The following NSD1 variants were observed in gnomAD, a reference collection of about 807,000 sequenced individuals.
NSD1 encodes the protein nuclear receptor binding SET domain protein 1.
A neutral mutation model predicts 242.7 loss-of-function variants in NSD1; 26 were observed. The observed-to-expected ratio is 0.11, with a 90% CI of 0.08 to 0.15. The LOEUF (loss-of-function observed/expected upper bound fraction) is 0.15, where lower values mean the gene tolerates loss of function less well. Among genes scored for constraint, NSD1 ranks in the 10% least tolerant of loss-of-function variants. NSD1 has a pLI of 1.00. For missense variants in NSD1, 2,495 were observed against 3,272.8 expected, an observed-to-expected ratio of 0.76 and a Z score of 5.80; for synonymous variants, 1,106 against 1,178.1, an observed-to-expected ratio of 0.94 and a Z score of 1.25.
chr5:177,166,295 C>A (rs1213176281), intron 2 of NSD1, among the ~76,000 whole-genome samples: 1 of 151,918 alleles, frequency 6.6e-6, no homozygotes, highest in Non-Finnish European at 1.5e-5. Context: ...TGCCTATAAT[C>A]CTAGCACTTT....
intron 5 of NSD1, among the ~76,000 whole-genome samples, chr5:177,220,620 A>G (rs1764161576): frequency 1.7e-5 from 2 of 120,786 alleles, no homozygotes; most frequent in Non-Finnish European, 3.1e-5. Context: ...CCTAGGCTGG[A>G]GTGCAGTGGC....
intron 5 of NSD1, among the ~76,000 whole-genome samples, chr5:177,234,130 A>G (rs1035142820): frequency 8.5e-5 from 13 of 152,220 alleles, no homozygotes; most frequent in Admixed American, 7.2e-4. Context: ...AGTGAGAAAA[A>G]TGTGTAACAT....
intron 14 of NSD1, chr5:177,266,032 A>T: frequency 9.5e-7 from 1 of 1,055,314 alleles, no homozygotes; most frequent in Non-Finnish European, 1.5e-6. Flanking sequence ...TATCGAAGCC[A>T]TAAACGTTCT....
chr5:177,187,322 C>G (rs1011054544), intron 2 of NSD1, among the ~76,000 whole-genome samples: 2 of 152,020 alleles, frequency 1.3e-5, no homozygotes, highest in Non-Finnish European at 2.9e-5. Flanking sequence ...CCAGGCTGGT[C>G]TTGAACTCCT....
chr5:177,262,890 A>G (rs1757104486), intron 14 of NSD1, among the ~76,000 whole-genome samples: 1 of 152,238 alleles, frequency 6.6e-6, no homozygotes, highest in South Asian at 2.1e-4. Flanking sequence ...TCTGAGACAA[A>G]TGCGTACCTC....
In NSD1 at chr5:177,227,141, A is replaced by G. The variant is rs116395505; in HGVS notation, c.3797-8680A>G. Among the ~76,000 whole-genome samples, 294 of 152,354 alleles carry G rather than the reference A, an allele frequency of 1.9e-3. 1 individual carries two copies. Among genetic ancestry groups the G allele is most frequent in the African/African-American group, 6.8e-3 (283 of 41,586 alleles). On this transcript the variant is annotated intron_variant, in intron 5 of 22. Coordinates refer to ENST00000439151, the MANE Select transcript of NSD1 (RefSeq NM_022455.5). ...ATAACATGGAAAGATGGGGATACAGATAAAAATAGATTGGCCATGAATTTG... is the reference window on the plus strand; with the variant it reads ...ATAACATGGAAAGATGGGGATACAGGTAAAAATAGATTGGCCATGAATTTG...
intron 11 of NSD1, among the ~76,000 whole-genome samples, chr5:177,249,567 C>T (rs1320158962): frequency 1.3e-5 from 2 of 152,036 alleles, no homozygotes; most frequent in Non-Finnish European, 2.9e-5. Context: ...CCTGGGTTCA[C>T]GCCATTCTCC....
intron 2 of NSD1, among the ~76,000 whole-genome samples, chr5:177,151,719 T>TC (rs1462643673): frequency 2.0e-5 from 3 of 150,542 alleles, no homozygotes; most frequent in Non-Finnish European, 4.4e-5. Flanking sequence ...TGAGACAGGG[T>TC]CTCACTCTGT....
At chr5:177,154,947 C>T (rs893497626) in intron 2 of NSD1, among the ~76,000 whole-genome samples, 3 of 151,804 alleles carry the variant, frequency 2.0e-5, no homozygotes, top group Admixed American at 1.3e-4. Flanking sequence ...CCACCTACCT[C>T]AGCCTCCCAA....
rs1184550830 is a variant in NSD1, at chr5:177,294,953, G to C, written c.7585G>C (p.Ala2529Pro). 3 of 1,614,106 alleles carry C rather than the reference G, an allele frequency of 1.9e-6. No homozygotes were observed. The African/African-American group carries it at 4.0e-5, about 22-fold the overall frequency. ...AGCCCCTTCAGAGGACCCCTGGCAAGCTGTTAAATCACTCACCCAGGCCAG... is the reference window on the plus strand; with the variant it reads ...AGCCCCTTCAGAGGACCCCTGGCAACCTGTTAAATCACTCACCCAGGCCAG... ...AAAPSEDPWQAVKSLTQARLL... is the reference protein window; with the variant it reads ...AAAPSEDPWQPVKSLTQARLL... Residue 2529 changes from alanine to proline, a missense_variant, in exon 23 of 23, where the codon GCT becomes CCT. By Grantham distance (27) the Ala-to-Pro change is conservative (BLOSUM62 -1). Around this residue, in one of 19 missense-constraint regions of NSD1, gnomAD observed 475 missense variants for 563.7 expected, o/e 0.84. Coordinates refer to ENST00000439151, the MANE Select transcript of NSD1 (RefSeq NM_022455.5).
At chr5:177,227,040 A>G (rs1453275839) in intron 5 of NSD1, among the ~76,000 whole-genome samples, 1 of 152,192 alleles carries the variant, frequency 6.6e-6, no homozygotes, top group Non-Finnish European at 1.5e-5. Context: ...GTATTCTGTT[A>G]TGTTAAAATA....
intron 2 of NSD1, among the ~76,000 whole-genome samples, chr5:177,179,478 G>A (rs925442535): frequency 2.0e-5 from 3 of 152,220 alleles, no homozygotes; most frequent in Admixed American, 6.5e-5. Context: ...GCCTCCCAAA[G>A]TGCTGGGATT....
At chr5:177,154,452 A>C (rs1006174362) in intron 2 of NSD1, among the ~76,000 whole-genome samples, 1 of 152,216 alleles carries the variant, frequency 6.6e-6, no homozygotes, top group African/African-American at 2.4e-5. Flanking sequence ...AAGCTGACCC[A>C]ATCATTTTTC....
Position 177,273,662 on chromosome 5 carries a change from G to A in NSD1, c.5510-10G>A, listed in dbSNP as rs767198805. 35 of 1,598,178 alleles carry A rather than the reference G, an allele frequency of 2.2e-5. No individual in the cohort carries two copies. In the East Asian group the frequency reaches 2.2e-4, roughly 10 times the overall value. ...GATTTTGAAGTGACTTGTGCTGTCT[G>A]TTTTCATAGCTCTTCAGGAAGCTGC... On this transcript the variant is annotated splice_polypyrimidine_tract_variant and intron_variant, in intron 16 of 22. Coordinates refer to ENST00000439151, the MANE Select transcript of NSD1 (RefSeq NM_022455.5).
chr5:177,245,839 A>G (rs1433780453), intron 9 of NSD1, among the ~76,000 whole-genome samples: 2 of 151,888 alleles, frequency 1.3e-5, no homozygotes, highest in Non-Finnish European at 2.9e-5. Context: ...GGGTTTCACC[A>G]TGTTGGCCAG....
In NSD1 at chr5:177,269,173, A is replaced by G. The variant is rs540873254; in HGVS notation, c.5304-429A>G. 1.3e-5 allele frequency among the ~76,000 whole-genome samples: 2 copies of G among 152,136 alleles called. No individual in the cohort carries two copies. The highest frequency in any genetic ancestry group is 4.2e-4 in the South Asian group (2 of 4,818). On this transcript the variant is annotated intron_variant, in intron 15 of 22. Transcript: ENST00000439151. This position sits in a 1 kb window ranked among gnomAD's most constrained non-coding sequence, Gnocchi z 5.1. ...GGTGCTGTTCTCCCATATTCCTACT[A>G]ATTATTGAAGGTTTCCTTTTTAAAG...
intron 14 of NSD1, chr5:177,266,173 A>T: frequency 9.4e-7 from 1 of 1,065,578 alleles, no homozygotes; most frequent in South Asian, 1.2e-5. Flanking sequence ...AGTGTTGAGC[A>T]TGGACTCGTA....
intron 14 of NSD1, among the ~76,000 whole-genome samples, chr5:177,261,236 A>ATTTTTTTTT (rs10652091): frequency 9.4e-5 from 7 of 74,752 alleles, no homozygotes; most frequent in East Asian, 3.3e-4. Context: ...TGCCCCACTA[A>ATTTTTTTTT]TTTTTTTTTT....
chr5:177,211,730 G>A lies in NSD1; in HGVS notation c.3331G>A (p.Asp1111Asn), dbSNP rs151165525. ...DGDHFSDVHF[D>N]SKVKQSDPGK... ...TGACCATTTTTCTGATGTGCATTTCGATAGCAAGGTTAAGCAATCTGATCC... is the reference window on the plus strand; with the variant it reads ...TGACCATTTTTCTGATGTGCATTTCAATAGCAAGGTTAAGCAATCTGATCC... Residue 1111 changes from aspartate (D) to asparagine (N), a missense_variant, in exon 5 of 23, where the codon GAT becomes AAT. Asp to Asn is a conservative substitution (Grantham distance 23). Around this residue, in one of 19 missense-constraint regions of NSD1, gnomAD observed 426 missense variants for 411.4 expected, o/e 1.04. Coordinates refer to ENST00000439151, the MANE Select transcript of NSD1 (RefSeq NM_022455.5). The A allele has an allele frequency of 2.0e-5, 33 of 1,613,914 alleles. No individual in the cohort carries two copies. The highest frequency in any genetic ancestry group is 5.3e-5 in the African/African-American group (4 of 74,862).
Sources: gnomAD v4.1 joint callset for allele counts (sites outside exome capture counted in the v4.1 genomes callset) on GRCh38, gnomAD v4.1.1 for gene constraint, gnomAD v4.1.1 regional missense constraint, Gnocchi (gnomAD v3.1) non-coding constraint, MANE v1.5 for transcripts, NCBI Gene and HGNC (gene_info 2026-07-23, HGNC 2026-07-21) for gene names.